TBC1D5: variants seen among roughly 807,000 people sequenced by gnomAD.
TBC1D5 encodes TBC1 domain family, member 5.
Under a neutral mutation model 100.3 loss-of-function variants are expected in TBC1D5, and 75 were observed. The observed-to-expected ratio is 0.75, with a 90% CI of 0.62 to 0.91. The LOEUF is 0.91. TBC1D5 is among the 40% of genes least tolerant of loss of function. The probability of loss-of-function intolerance (pLI) is 0.00; values close to 1 mark genes in which losing one functional copy is unlikely to be tolerated. For missense variants in TBC1D5, 910 were observed against 942.4 expected, an observed-to-expected ratio of 0.97 and a Z score of 0.45; for synonymous variants, 323 against 325.6, an observed-to-expected ratio of 0.99 and a Z score of 0.09.
intron 13 of TBC1D5, among the ~76,000 whole-genome samples, chr3:17,322,711 T>C (rs2085583006): frequency 6.6e-6 from 1 of 152,180 alleles, no homozygotes; most frequent in Admixed American, 6.5e-5. Flanking sequence ...ACAAGGGGTG[T>C]CCTTAAGTGT....
intron 3 of TBC1D5, among the ~76,000 whole-genome samples, chr3:17,446,539 A>G (rs996119093): frequency 6.6e-6 from 1 of 152,218 alleles, no homozygotes; most frequent in Non-Finnish European, 1.5e-5. Flanking sequence ...CAGAACTTTT[A>G]AAATCTAAGA....
At chr3:17,639,369 G>A (rs1223580257) in intron 1 of TBC1D5, among the ~76,000 whole-genome samples, 3 of 151,866 alleles carry the variant, frequency 2.0e-5, no homozygotes, top group Non-Finnish European at 4.4e-5. Flanking sequence ...CCTTTGGTTG[G>A]GGGAATGGGG....
chr3:17,349,414 T>C (rs1575466419), intron 13 of TBC1D5, among the ~76,000 whole-genome samples: 1 of 152,226 alleles, frequency 6.6e-6, no homozygotes, highest in Non-Finnish European at 1.5e-5. Flanking sequence ...AAACCAGTTG[T>C]GTGTATGATT....
chr3:17,505,271 T>C (rs2095832938), intron 3 of TBC1D5, among the ~76,000 whole-genome samples: 1 of 152,128 alleles, frequency 6.6e-6, no homozygotes, highest in Admixed American at 6.5e-5. Flanking sequence ...TGGTGACAAG[T>C]GAGTTCTCAG....
intron 3 of TBC1D5, among the ~76,000 whole-genome samples, chr3:17,475,665 G>A (rs1372061650): frequency 1.3e-5 from 2 of 152,072 alleles, no homozygotes; most frequent in South Asian, 2.1e-4. Context: ...TCCTGAGGAT[G>A]GCATTCCCAG....
intron 18 of TBC1D5, among the ~76,000 whole-genome samples, chr3:17,185,965 CTT>C (rs199872710): frequency 7.9e-6 from 1 of 125,832 alleles, no homozygotes; most frequent in Non-Finnish European, 1.8e-5. Flanking sequence ...TTTTTCTTTT[CTT>C]TTTTTTTTTT....
At chr3:17,666,411 T>C (rs1043545084) in intron 1 of TBC1D5, among the ~76,000 whole-genome samples, 4 of 152,162 alleles carry the variant, frequency 2.6e-5, no homozygotes, top group Non-Finnish European at 4.4e-5. Flanking sequence ...CTGAATTACC[T>C]TTTATCTATA....
chr3:17,656,806 T>G (rs1351125853), intron 1 of TBC1D5, among the ~76,000 whole-genome samples: 2 of 146,946 alleles, frequency 1.4e-5, no homozygotes, highest in Non-Finnish European at 3.0e-5. Flanking sequence ...AGATATTTTA[T>G]TTATCATCAA....
At chr3:17,254,743 C>T (rs1289847220) in intron 16 of TBC1D5, among the ~76,000 whole-genome samples, 1 of 109,254 alleles carries the variant, frequency 9.2e-6, no homozygotes, top group African/African-American at 4.0e-5. Context: ...TTTGCCTACC[C>T]TTTGTCTTTA....
At chr3:17,543,258 T>G (rs1003464404) in intron 2 of TBC1D5, among the ~76,000 whole-genome samples, 1 of 152,244 alleles carries the variant, frequency 6.6e-6, no homozygotes, top group Non-Finnish European at 1.5e-5. Flanking sequence ...TGATTTCCCA[T>G]AAATTCAATG....
chr3:17,368,051 A>G (rs2092266805), intron 13 of TBC1D5, among the ~76,000 whole-genome samples: 2 of 152,252 alleles, frequency 1.3e-5, no homozygotes, highest in Non-Finnish European at 2.9e-5. Flanking sequence ...AACCTAAAAT[A>G]CAGGTAGTAA....
chr3:17,508,576 G>C (rs929680020), exon 3 of TBC1D5: 3 of 1,609,002 alleles, frequency 1.9e-6, no homozygotes, highest in Non-Finnish European at 2.6e-6. Context: ...TACATTGTGG[G>C]AACTGGACAG....
At chr3:17,403,406 CTAATT>C (rs1174984530) in intron 7 of TBC1D5, among the ~76,000 whole-genome samples, 158 bp from the exon 8 acceptor site, 1 of 151,972 alleles carries the variant, frequency 6.6e-6, no homozygotes, top group African/African-American at 2.4e-5. Context: ...TTATTAAAAT[CTAATT>C]TAATCTCAGA....
rs77641090 is a variant in TBC1D5, at chr3:17,414,247, G to A, written c.168-7721C>T. Among the ~76,000 whole-genome samples, 49 of 152,242 alleles carry A rather than the reference G, an allele frequency of 3.2e-4. No individual in the cohort carries two copies. In the East Asian group the frequency reaches 9.1e-3, roughly 28 times the overall value. Reference sequence around the variant, plus strand: ...GATGGGTAGAATATCTGAAGCTGAGGTAGTAAAAGGTAAGAAAGCTGAACT... The same window carrying A: ...GATGGGTAGAATATCTGAAGCTGAGATAGTAAAAGGTAAGAAAGCTGAACT... On this transcript the variant is annotated intron_variant, in intron 4 of 21. Transcript: ENST00000253692.
At chr3:17,494,534 C>A (rs1252508684) in intron 3 of TBC1D5, among the ~76,000 whole-genome samples, 1 of 152,228 alleles carries the variant, frequency 6.6e-6, no homozygotes, top group Non-Finnish European at 1.5e-5. Flanking sequence ...TGCTGATGGG[C>A]AGAGACCACA....
intron 17 of TBC1D5, among the ~76,000 whole-genome samples, chr3:17,215,701 G>A (rs2073552333): frequency 6.6e-6 from 1 of 152,076 alleles, no homozygotes; most frequent in Admixed American, 6.6e-5. Context: ...CCACAGATTG[G>A]CCCCTTGGAA....
chr3:17,275,070 C>A (rs1190846513), intron 15 of TBC1D5, among the ~76,000 whole-genome samples: 4 of 151,878 alleles, frequency 2.6e-5, no homozygotes, highest in African/African-American at 9.7e-5. Context: ...GTTAAAGTGT[C>A]AGTATCCCTA....
rs1414564582 is a variant in TBC1D5 at position 17,363,068 on chromosome 3, G to A, written c.995+9007C>T. Among the ~76,000 whole-genome samples the A allele has an allele frequency of 2.0e-5, 3 of 151,702 alleles. 1 individual carries two copies. The South Asian group carries it at 6.3e-4, about 32-fold the overall frequency. ...CTCATTTCATTTATTTTCTGTTATT[G>A]TTTTCAATTATATTAGTTTTAACTC... is the stretch of plus-strand genomic sequence containing the variant. On this transcript the variant is annotated intron_variant, in intron 13 of 21. Transcript: ENST00000253692.
At chr3:17,353,973 T>C (rs1259282127) in intron 13 of TBC1D5, among the ~76,000 whole-genome samples, 4 of 152,056 alleles carry the variant, frequency 2.6e-5, no homozygotes, top group African/African-American at 9.7e-5. Flanking sequence ...GCATTCCACG[T>C]TTTCTATCAG....
Sources: allele counts gnomAD v4.1 joint callset (sites outside exome capture counted in the v4.1 genomes callset), GRCh38; gene constraint gnomAD v4.1.1; transcripts MANE v1.5; gene names NCBI Gene and HGNC (gene_info 2026-07-23, HGNC 2026-07-21).